The following PROM1 variants were observed in gnomAD, a reference collection of about 807,000 sequenced individuals.
PROM1 encodes prominin 1, also known as prominin-1.
A neutral mutation model predicts 116.9 loss-of-function variants in PROM1; 105 were observed. The ratio of observed to expected loss-of-function variants is 0.90; its 90% confidence interval spans 0.77 to 1.06. PROM1 has a LOEUF of 1.06. Among genes scored for constraint, PROM1 ranks in the 50% least tolerant of loss-of-function variants. The probability of loss-of-function intolerance (pLI) is 0.00; values close to 1 mark genes in which losing one functional copy is unlikely to be tolerated. For missense variants in PROM1, 1,122 were observed against 1,045.2 expected, an observed-to-expected ratio of 1.07 and a Z score of -1.01; for synonymous variants, 393 against 387.0, an observed-to-expected ratio of 1.02 and a Z score of -0.18.
chr4:16,079,352 T>C (rs576493662), intron 1 of PROM1: 1 of 152,344 alleles, frequency 6.6e-6, no homozygotes, highest in Non-Finnish European at 1.5e-5. Flanking sequence ...TGACTTGAGA[T>C]AGACAGCAAC....
At chr4:15,972,139 G>A (rs1477729647) in intron 26 of PROM1, among the ~76,000 whole-genome samples, 1 of 152,060 alleles carries the variant, frequency 6.6e-6, no homozygotes, top group Non-Finnish European at 1.5e-5. Flanking sequence ...TTCTCCTCCT[G>A]CCTAGCATTG....
intron 2 of PROM1, among the ~76,000 whole-genome samples, chr4:16,042,700 A>G (rs940122176): frequency 9.2e-5 from 14 of 152,244 alleles, no homozygotes; most frequent in African/African-American, 2.7e-4. Context: ...ATTGCAAATA[A>G]CCTTTAAAAA....
At chr4:16,030,759 G>A (rs932712090) in intron 5 of PROM1, among the ~76,000 whole-genome samples, 2 of 152,078 alleles carry the variant, frequency 1.3e-5, no homozygotes, top group African/African-American at 4.8e-5. Context: ...GAAACCCATT[G>A]TAGTGGCTAG....
chr4:15,994,393 A>C (rs1721807029), intron 15 of PROM1, among the ~76,000 whole-genome samples: 1 of 152,268 alleles, frequency 6.6e-6, no homozygotes, highest in African/African-American at 2.4e-5. Context: ...CTCATTAAAA[A>C]GAAAAACAAT....
At chr4:15,994,718 C>T (rs1293266900) in intron 15 of PROM1, among the ~76,000 whole-genome samples, 1 of 152,150 alleles carries the variant, frequency 6.6e-6, no homozygotes, top group Non-Finnish European at 1.5e-5. Flanking sequence ...GAAGGGTAGG[C>T]CTCATTGGAT....
intron 5 of PROM1, among the ~76,000 whole-genome samples, chr4:16,027,388 T>C (rs1284148243): frequency 6.6e-6 from 1 of 151,900 alleles, no homozygotes; most frequent in Non-Finnish European, 1.5e-5. Flanking sequence ...TGCTAGACCA[T>C]GACAAGTCAG....
intron 26 of PROM1, among the ~76,000 whole-genome samples, chr4:15,978,941 T>C (rs748742705): frequency 6.6e-6 from 1 of 151,912 alleles, no homozygotes; most frequent in Admixed American, 6.6e-5. Context: ...GAGGAATAAT[T>C]GAGGTTCTTT....
Position 16,033,354 on chromosome 4 carries a change from G to C in PROM1, c.459C>G (p.Phe153Leu), listed in dbSNP as rs754270714. 11 of 1,613,676 alleles carry C rather than the reference G, an allele frequency of 6.8e-6. No individual in the cohort carries two copies. The highest frequency in any genetic ancestry group is 3.3e-4 in the Middle Eastern group (2 of 6,084). The change falls in exon 5 of 28, where the codon TTC becomes TTG. Residue 153 changes from phenylalanine (F) to leucine (L), a missense_variant. Coordinates refer to ENST00000447510, the MANE Select transcript of PROM1 (RefSeq NM_006017.3). Reference protein sequence around the residue: ...MHQRQKENGPFLRKCFAISLL... With the variant: ...MHQRQKENGPLLRKCFAISLL... ...GGGAGATTGCAAAGCATTTCCTCAG[G>C]AAGGGCCCATTTTCCTTCTGTCGCT...
chr4:15,992,444 A>C, intron 16 of PROM1, 53 bp from the exon 17 acceptor site: 5 of 1,580,756 alleles, frequency 3.2e-6, no homozygotes, highest in Non-Finnish European at 4.3e-6. Flanking sequence ...GAATGTCACA[A>C]ACCAAATGCT....
chr4:15,987,617 T>C (rs878884409), intron 20 of PROM1, 46 bp downstream of exon 20: 6 of 1,551,690 alleles, frequency 3.9e-6, no homozygotes, highest in Middle Eastern at 3.3e-4. Context: ...CTTTGTGTGG[T>C]ATTTTATAAC....
At chr4:16,058,191 G>T (rs554286071) in intron 2 of PROM1, among the ~76,000 whole-genome samples, 3 of 152,158 alleles carry the variant, frequency 2.0e-5, no homozygotes, top group Admixed American at 2.0e-4. Context: ...CTTATGAATC[G>T]CTCTAGGCAT....
chr4:15,972,284 A>T (rs988135834), intron 26 of PROM1, among the ~76,000 whole-genome samples: 10 of 152,222 alleles, frequency 6.6e-5, no homozygotes, highest in African/African-American at 2.4e-4. Flanking sequence ...ACAGAATATC[A>T]GAGACTGGGT....
At chr4:16,078,505 C>T (rs189589420) in intron 1 of PROM1, among the ~76,000 whole-genome samples, 1 of 152,346 alleles carries the variant, frequency 6.6e-6, no homozygotes, top group African/African-American at 2.4e-5. Context: ...TTTCCTTGTG[C>T]GGTTTCATGA....
At chr4:15,980,788 G>A (rs373738555) in intron 23 of PROM1, among the ~76,000 whole-genome samples, 1 of 151,812 alleles carries the variant, frequency 6.6e-6, no homozygotes, top group East Asian at 1.9e-4. Context: ...TTTTACAAAC[G>A]AGGAGCAGAA....
chr4:15,991,189 A>G, intron 18 of PROM1, 33 bp downstream of exon 18: 1 of 1,554,484 alleles, frequency 6.4e-7, no homozygotes, highest in Non-Finnish European at 8.8e-7. Context: ...ATCTACAACT[A>G]CTACAGTATT....
intron 27 of PROM1, among the ~76,000 whole-genome samples, chr4:15,970,520 A>AT (rs1431398358): frequency 6.6e-6 from 1 of 151,118 alleles, no homozygotes; most frequent in Non-Finnish European, 1.5e-5. Context: ...AAAAAATTTT[A>AT]TTTTTTTAAT....
intron 23 of PROM1, among the ~76,000 whole-genome samples, chr4:15,983,333 A>T (rs1469720439): frequency 2.0e-5 from 3 of 152,210 alleles, no homozygotes; most frequent in Admixed American, 2.0e-4. Flanking sequence ...CCTCTCACTG[A>T]ATCATCAAAA....
chr4:16,017,446 C>T (rs763327738), intron 9 of PROM1, among the ~76,000 whole-genome samples: 1 of 152,106 alleles, frequency 6.6e-6, no homozygotes, highest in East Asian at 1.9e-4. Flanking sequence ...ACACAGATGT[C>T]GCAGGTGAAA....
At chr4:16,004,853 C>CTTCCTTCCTTCCTTCCTTCT (rs1724862892) in intron 13 of PROM1, among the ~76,000 whole-genome samples, 1 of 142,422 alleles carries the variant, frequency 7.0e-6, no homozygotes, top group African/African-American at 2.6e-5. Context: ...TCCTTCCTTC[C>CTTCCTTCCTTCCTTCCTTCT]TTCCTTCCTC....
Sources: allele counts gnomAD v4.1 joint callset (sites outside exome capture counted in the v4.1 genomes callset), GRCh38; gene constraint gnomAD v4.1.1; transcripts MANE v1.5; gene names NCBI Gene and HGNC (gene_info 2026-07-23, HGNC 2026-07-21).